CPEB1: variants seen among roughly 807,000 people sequenced by gnomAD.
CPEB1 encodes the protein cytoplasmic polyadenylation element-binding protein 1.
A neutral mutation model predicts 65.8 loss-of-function variants in CPEB1; 7 were observed. That is an observed-to-expected ratio of 0.11 (90% CI 0.06 to 0.20). The LOEUF (loss-of-function observed/expected upper bound fraction) is 0.20. CPEB1 is among the 10% of genes least tolerant of loss of function. The pLI is 1.00. For missense variants in CPEB1, 551 were observed against 712.2 expected, an observed-to-expected ratio of 0.77 and a Z score of 2.58; for synonymous variants, 262 against 260.0, an observed-to-expected ratio of 1.01 and a Z score of -0.08.
chr15:82,546,787 A>T (rs562320657), intron 11 of CPEB1, among the ~76,000 whole-genome samples: 2 of 152,266 alleles, frequency 1.3e-5, no homozygotes, highest in South Asian at 2.1e-4. Context: ...CTGGTCTTCT[A>T]GGCAAACTGT....
intron 4 of CPEB1, among the ~76,000 whole-genome samples, chr15:82,562,779 G>A (rs1252514685): frequency 6.6e-6 from 1 of 151,918 alleles, no homozygotes; most frequent in Non-Finnish European, 1.5e-5. Context: ...AGGCTGCAGT[G>A]GGCCATGATC....
rs759486650 is a variant in CPEB1 at position 82,608,985 on chromosome 15, C to T, written c.271+18208G>A. Among the ~76,000 whole-genome samples, 41 of 152,218 alleles carry T rather than the reference C, an allele frequency of 2.7e-4. 1 individual carries two copies. The highest frequency in any genetic ancestry group is 5.3e-4 in the Non-Finnish European group (36 of 68,010). On this transcript the variant is annotated intron_variant, in intron 3 of 12. Coordinates refer to ENST00000684509, the MANE Select transcript of CPEB1 (RefSeq NM_001365242.1). The stretch of plus-strand genomic sequence containing the variant: ...TAAATGTGAAATGGCTGAAATCATA[C>T]AAAGTACATTCTGCAACCACAAAAG...
intron 3 of CPEB1, among the ~76,000 whole-genome samples, chr15:82,602,622 G>A (rs552477082): frequency 6.6e-6 from 1 of 152,140 alleles, no homozygotes; most frequent in Non-Finnish European, 1.5e-5. Context: ...GAGGCGAATG[G>A]ATCACTTGAG....
chr15:82,579,460 T>C (rs1481489400), intron 3 of CPEB1, among the ~76,000 whole-genome samples: 1 of 150,846 alleles, frequency 6.6e-6, no homozygotes, highest in Non-Finnish European at 1.5e-5. Context: ...CAATAAACAA[T>C]TATTAAAGAA....
chr15:82,585,413 C>T (rs1203583321), intron 3 of CPEB1, among the ~76,000 whole-genome samples: 1 of 152,160 alleles, frequency 6.6e-6, no homozygotes, highest in Admixed American at 6.5e-5. Context: ...CAGAATAAGA[C>T]TTTCAAAATT....
At chr15:82,647,610 C>G (rs1439737608), upstream of CPEB1, 2 of 329,892 alleles carry the variant, frequency 6.1e-6, no homozygotes, top group Non-Finnish European at 1.1e-5. Context: ...CCACCGGCCG[C>G]CCCCGCAGGG....
intron 7 of CPEB1, 101 bp from the exon 8 acceptor site, chr15:82,553,657 C>A (rs745383111): frequency 6.2e-5 from 55 of 891,894 alleles, no homozygotes; most frequent in Middle Eastern, 4.2e-4. Context: ...GGCTCATCCC[C>A]ACTGACAAAC....
chr15:82,547,699 G>T (rs967899551), intron 10 of CPEB1, among the ~76,000 whole-genome samples: 6 of 151,778 alleles, frequency 4.0e-5, no homozygotes, highest in Non-Finnish European at 7.4e-5. Context: ...TTGAGACAGG[G>T]TCTCCCTCTG....
chr15:82,640,891 T>C (rs1321366937), intron 1 of CPEB1: 1 of 148,918 alleles, frequency 6.7e-6, no homozygotes. Flanking sequence ...CAAGACAAGA[T>C]TGATCAGATA....
At chr15:82,593,278 T>C (rs143287345) in intron 3 of CPEB1, among the ~76,000 whole-genome samples, 1 of 152,378 alleles carries the variant, frequency 6.6e-6, no homozygotes, top group Non-Finnish European at 1.5e-5. Flanking sequence ...CCTCTCAAAC[T>C]CTGCCTCTGC....
At chr15:82,637,719 T>A (rs1368016606) in intron 1 of CPEB1, among the ~76,000 whole-genome samples, 2 of 152,184 alleles carry the variant, frequency 1.3e-5, no homozygotes, top group African/African-American at 4.8e-5. Context: ...GCCTGGATAT[T>A]CTTACAGGAT....
intron 3 of CPEB1, among the ~76,000 whole-genome samples, chr15:82,592,735 G>A (rs932587211): frequency 6.6e-6 from 1 of 151,910 alleles, no homozygotes; most frequent in East Asian, 1.9e-4. Flanking sequence ...CCTGTAATCC[G>A]AGCACTTTGG....
chr15:82,590,754 G>T lies in CPEB1; in HGVS notation c.272-19222C>A, dbSNP rs2042189544. On this transcript the variant is annotated intron_variant, in intron 3 of 12. Coordinates refer to ENST00000684509, the MANE Select transcript of CPEB1 (RefSeq NM_001365242.1). ...TCCTTATCATTTAGCTCCCAGTTGTGAGAACATGTGGTATTTGATTTTGTG... is the reference window on the plus strand; with the variant it reads ...TCCTTATCATTTAGCTCCCAGTTGTTAGAACATGTGGTATTTGATTTTGTG... 2.6e-5 allele frequency among the ~76,000 whole-genome samples: 4 copies of T among 152,088 alleles called. No individual in the cohort carries two copies. In the South Asian group the frequency reaches 8.3e-4, roughly 32 times the overall value.
At chr15:82,623,923 A>G (rs1309125534) in intron 3 of CPEB1, among the ~76,000 whole-genome samples, 1 of 152,050 alleles carries the variant, frequency 6.6e-6, no homozygotes, top group Non-Finnish European at 1.5e-5. Flanking sequence ...CTCTCCTATC[A>G]TTTACTTAAC....
chr15:82,627,364 C>T lies in CPEB1; in HGVS notation c.100G>A (p.Glu34Lys). 1 of 1,607,248 alleles carries T rather than the reference C, an allele frequency of 6.2e-7. No individual in the cohort carries two copies. Among genetic ancestry groups the T allele is most frequent in the Non-Finnish European group, 8.5e-7 (1 of 1,177,712 alleles). Residue 34 changes from glutamate to lysine, a missense_variant, in exon 3 of 13, where the codon GAA becomes AAA. This residue lies in a region of CPEB1 where 223 missense variants were observed against 228.6 expected (regional missense o/e 0.98). Coordinates refer to ENST00000684509, the MANE Select transcript of CPEB1 (RefSeq NM_001365242.1). ...CAATCTTTTATCCTTCCTGCTTCTT[C>T]TTCCTAGACACAGAAAAAAAAAGAT... ...SDCLLLIPLEEEAGRIKDCWD... is the reference protein window; with the variant it reads ...SDCLLLIPLEKEAGRIKDCWD...
intron 4 of CPEB1, among the ~76,000 whole-genome samples, chr15:82,563,050 TA>T (rs1330381874): frequency 6.6e-6 from 1 of 151,736 alleles, no homozygotes; most frequent in South Asian, 2.1e-4. Flanking sequence ...AATAAGAATA[TA>T]AAAAAAGAAT....
Position 82,628,552 on chromosome 15 carries a change from T to C in CPEB1, c.-93A>G. On this transcript the variant is annotated 5_prime_UTR_variant, in exon 2 of 13. Coordinates refer to ENST00000684509, the MANE Select transcript of CPEB1 (RefSeq NM_001365242.1). ...ACAGACCCTTCTATTACACAGGCAC[T>C]GAAACTAACGCAAATGGTGGAATTA... 1 of 649,952 alleles carries C rather than the reference T, an allele frequency of 1.5e-6. No individual in the cohort carries two copies. Among genetic ancestry groups the C allele is most frequent in the South Asian group, 1.8e-5 (1 of 57,028 alleles). The allele number at this position is 649,952 out of a possible 1,614,324, so 40.3% of individuals were successfully genotyped here.
chr15:82,635,579 T>C (rs146047481), intron 1 of CPEB1, among the ~76,000 whole-genome samples: 2 of 152,308 alleles, frequency 1.3e-5, no homozygotes, highest in Admixed American at 6.5e-5. Context: ...AAAATGGCAA[T>C]TTCACATAGT....
Position 82,544,634 on chromosome 15 carries a change from G to A in CPEB1, c.1725C>T (p.His575=). Residue 575 remains histidine (H), a synonymous_variant, in exon 13 of 13, where the codon CAC becomes CAT. Transcript: ENST00000684509. ...TCTTCTGGTTCCGCATCAGGGGGCT[G>A]TGGTGGCGCAGGCCCTCCATGCTGT... is the stretch of plus-strand genomic sequence containing the variant. The part of the protein sequence containing the change: ...WRHSMEGLRH[H]SPLMRNQKNR... The A allele has an allele frequency of 6.2e-7, 1 of 1,613,392 alleles. No homozygotes were observed. The highest frequency in any genetic ancestry group is 8.5e-7 in the Non-Finnish European group (1 of 1,179,864).
Sources: gnomAD v4.1 joint callset for allele counts (sites outside exome capture counted in the v4.1 genomes callset) on GRCh38, gnomAD v4.1.1 for gene constraint, gnomAD v4.1.1 regional missense constraint, MANE v1.5 for transcripts, NCBI Gene and HGNC (gene_info 2026-07-23, HGNC 2026-07-21) for gene names.